Variants in SEC14L2 observed in about 807,000 individuals in gnomAD.
SEC14L2 encodes the protein SEC14 like lipid binding 2.
A neutral mutation model predicts 56.9 loss-of-function variants in SEC14L2; 50 were observed. The observed-to-expected ratio is 0.88, with a 90% confidence interval of 0.70 to 1.11. The LOEUF (loss-of-function observed/expected upper bound fraction) is 1.11, where lower values mean the gene tolerates loss of function less well. SEC14L2 is among the 50% of genes most tolerant of loss of function. SEC14L2 has a pLI of 0.00. For missense variants in SEC14L2, 414 were observed against 500.7 expected (o/e 0.83, Z 1.65); for synonymous variants, 179 against 188.5 (o/e 0.95, Z 0.41).
chr22:30,419,899 C>T (rs2146042915), intron 11 of SEC14L2, among the ~76,000 whole-genome samples: 1 of 151,746 alleles, frequency 6.6e-6, no homozygotes, highest in Admixed American at 6.6e-5. Flanking sequence ...CCCAGAGGTT[C>T]TACAGTGGGC....
chr22:30,399,855 T>C (rs1933877418), intron 2 of SEC14L2, 137 bp downstream of exon 2: 1 of 643,970 alleles, frequency 1.6e-6, no homozygotes, highest in Non-Finnish European at 2.6e-6. Flanking sequence ...CCCTTGGCAA[T>C]GACATAAGCT....
Position 30,406,337 on chromosome 22 carries a change from T to TAGG in SEC14L2, c.131-4_131-3insGGA. The stretch of plus-strand genomic sequence containing the variant: ...ACCCTGACCAGAACTGTTTCCCTGT[T>TAGG]ACAGCCAGAAGCTTCGACCTGCAGA... On this transcript the variant is annotated splice_region_variant and splice_polypyrimidine_tract_variant and intron_variant, in intron 2 of 11. Transcript: ENST00000615189. 1.9e-6 allele frequency: 3 copies of TAGG among 1,614,014 alleles called. No homozygotes were observed. Among genetic ancestry groups the TAGG allele is most frequent in the Non-Finnish European group, 2.5e-6 (3 of 1,179,950 alleles).
rs546028917 is a variant in SEC14L2, at chr22:30,405,708, G to A, written c.131-634G>A. On this transcript the variant is annotated intron_variant, in intron 2 of 11. Transcript: ENST00000615189. ...TTTGTTTTTCTTGGGATGGGATCTCGCTGTGTCACCCAGGCTGGAGTATAG... is the reference window on the plus strand; with the variant it reads ...TTTGTTTTTCTTGGGATGGGATCTCACTGTGTCACCCAGGCTGGAGTATAG... Among the ~76,000 whole-genome samples, 21 of 152,094 alleles carry A rather than the reference G, an allele frequency of 1.4e-4. No homozygotes were observed. In the South Asian group the frequency reaches 2.3e-3, roughly 17 times the overall value.
At chr22:30,412,972 G>C (rs1934292594) in intron 8 of SEC14L2, among the ~76,000 whole-genome samples, 1 of 152,174 alleles carries the variant, frequency 6.6e-6, no homozygotes, top group African/African-American at 2.4e-5. Flanking sequence ...CTGAGAGATG[G>C]TGACGCATTA....
intron 5 of SEC14L2, among the ~76,000 whole-genome samples, chr22:30,408,540 G>A (rs532248433): frequency 5.9e-5 from 9 of 152,274 alleles, no homozygotes; most frequent in Non-Finnish European, 1.0e-4. Flanking sequence ...AGCCGTGATC[G>A]CACCACTGCA....
rs772340735 is a variant in SEC14L2 at position 30,397,150 on chromosome 22, C to G, written c.34C>G (p.Gln12Glu). 18 of 1,545,080 alleles carry G rather than the reference C, an allele frequency of 1.2e-5. No individual in the cohort carries two copies. In the Admixed American group the frequency reaches 2.4e-4, roughly 20 times the overall value. The change falls in exon 1 of 12, where the codon CAG (glutamine) becomes GAG (glutamate). Residue 12 changes from glutamine (Q) to glutamate (E), a missense_variant. Physicochemically the swap from Gln to Glu is conservative, Grantham distance 29. Coordinates refer to ENST00000615189, the MANE Select transcript of SEC14L2 (RefSeq NM_012429.5). The stretch of plus-strand genomic sequence containing the variant: ...CAGAGTCGGCGATCTGAGCCCCAGG[C>G]AGAAGGAGGCATTGGCCAAGGTGAG... ...SGRVGDLSPR[Q>E]KEALAKFREN...
chr22:30,407,657 C>CAGA (rs1420376728), intron 5 of SEC14L2, 54 bp downstream of exon 5: 1 of 1,514,330 alleles, frequency 6.6e-7, no homozygotes, highest in Non-Finnish European at 9.1e-7. Context: ...GGCATTCCAG[C>CAGA]AGAAGCAGGG....
intron 5 of SEC14L2, among the ~76,000 whole-genome samples, chr22:30,408,699 G>A (rs1934165455): frequency 6.6e-6 from 1 of 152,354 alleles, no homozygotes; most frequent in African/African-American, 2.4e-5. Flanking sequence ...GTGAAATGAT[G>A]TCATAAAGTC....
At chr22:30,415,599 T>C (rs1479081646) in intron 8 of SEC14L2, among the ~76,000 whole-genome samples, 160 bp from the exon 9 acceptor site, 2 of 152,228 alleles carry the variant, frequency 1.3e-5, no homozygotes, top group Non-Finnish European at 2.9e-5. Context: ...TGCAGTACTA[T>C]GCATGCACTG....
In SEC14L2 at chr22:30,423,046, CTAA is replaced by C; in HGVS notation, c.*641_*643del. ...GCCACACGGCCTGCCTCTTTGATTA[CTAA>C]TGATTGTCAGTGACTCAGAGCTTCC... On this transcript the variant is annotated 3_prime_UTR_variant, in exon 12 of 12. Coordinates refer to ENST00000615189, the MANE Select transcript of SEC14L2 (RefSeq NM_012429.5). 1 of 152,804 alleles carries C rather than the reference CTAA, an allele frequency of 6.5e-6. No individual in the cohort carries two copies. The highest frequency in any genetic ancestry group is 2.4e-5 in the African/African-American group (1 of 41,560). 9.5% of individuals were successfully genotyped at this position (152,804 alleles called of 1,614,324 possible).
intron 2 of SEC14L2, among the ~76,000 whole-genome samples, chr22:30,405,750 C>T (rs537760976): frequency 6.6e-6 from 1 of 152,160 alleles, no homozygotes; most frequent in Admixed American, 6.5e-5. Context: ...GATCTCAGCT[C>T]ACTGCAACCT....
chr22:30,420,153 G>A (rs1340834093), intron 11 of SEC14L2, among the ~76,000 whole-genome samples: 7 of 151,972 alleles, frequency 4.6e-5, no homozygotes, highest in African/African-American at 9.7e-5. Context: ...GGGTTTCTCC[G>A]TGTTCGTTAG....
rs1288660665 is a variant in SEC14L2, at chr22:30,425,290, AC to A, written c.*2884del. On this transcript the variant is annotated 3_prime_UTR_variant, in exon 12 of 12. Transcript: ENST00000615189. ...CTGGCAATAAACTCAATAAATGGTG[AC>A]TGTTATAATTAATCCTCGGAACCAT... The A allele has an allele frequency of 1.3e-4, 21 of 163,600 alleles. No homozygotes were observed. The highest frequency in any genetic ancestry group is 2.8e-4 in the Non-Finnish European group (21 of 73,888). 10.1% of individuals were successfully genotyped at this position (163,600 alleles called of 1,614,324 possible). A position where few individuals can be genotyped will look rare whatever the true frequency, so the allele number is the denominator to read the frequency against.
chr22:30,411,520 C>T (rs112914893), intron 8 of SEC14L2, among the ~76,000 whole-genome samples: 2,493 of 151,792 alleles, frequency 0.016, 75 homozygotes, highest in African/African-American at 0.056. Flanking sequence ...CCGAGGTAGG[C>T]GGATCGCTTG....
At chr22:30,403,633 T>C (rs374635393) in intron 2 of SEC14L2, among the ~76,000 whole-genome samples, 16 of 152,298 alleles carry the variant, frequency 1.1e-4, no homozygotes, top group East Asian at 7.7e-4. Context: ...TGTTGGGCCT[T>C]GGCAGATAAG....
intron 8 of SEC14L2, among the ~76,000 whole-genome samples, chr22:30,411,252 C>T (rs1934237860): frequency 6.6e-6 from 1 of 151,284 alleles, no homozygotes; most frequent in Non-Finnish European, 1.5e-5. Context: ...CAGAGCAAGA[C>T]CTTGTTTTTT....
chr22:30,409,274 T>A lies in SEC14L2; in HGVS notation c.511T>A (p.Tyr171Asn), dbSNP rs756857286. The change falls in exon 6 of 12, where the codon TAT becomes AAT. Residue 171 changes from tyrosine (Y) to asparagine (N), a missense_variant. Tyr to Asn is a moderately radical substitution (Grantham distance 143). Transcript: ENST00000615189. ...TCTCTGGAAGCCTGCTGTGGAGGCC[T>A]ATGGAGAGGTGAGGGGCAGGGGTGG... ...KHLWKPAVEA[Y>N]GEFLCMFEEN... 2 of 1,612,128 alleles carry A rather than the reference T, an allele frequency of 1.2e-6. No homozygotes were observed. The highest frequency in any genetic ancestry group is 1.7e-6 in the Non-Finnish European group (2 of 1,179,536).
At chr22:30,409,003 A>G (rs1934173399) in intron 5 of SEC14L2, 184 bp from the exon 6 acceptor site, 2 of 693,518 alleles carry the variant, frequency 2.9e-6, no homozygotes, top group East Asian at 2.7e-5. Flanking sequence ...CTAGGCAGGA[A>G]GAGTGACTCG....
chr22:30,398,538 G>A, intron 1 of SEC14L2: 1 of 376,674 alleles, frequency 2.7e-6, no homozygotes, highest in Non-Finnish European at 5.5e-6. Context: ...GGTAGGTGTG[G>A]CTGTCCATTG....
Sources: gnomAD v4.1 joint callset for allele counts (sites outside exome capture counted in the v4.1 genomes callset) on GRCh38, gnomAD v4.1.1 for gene constraint, MANE v1.5 for transcripts, NCBI Gene and HGNC (gene_info 2026-07-23, HGNC 2026-07-21) for gene names.